Variants in LNX1 observed in about 807,000 individuals in gnomAD.
LNX1 encodes ligand of numb-protein X 1, also known as E3 ubiquitin-protein ligase LNX.
A neutral mutation model predicts 68.4 loss-of-function variants in LNX1; 54 were observed. The observed-to-expected ratio is 0.79, with a 90% CI of 0.63 to 0.99. The LOEUF is 0.99. Ranked by LOEUF, LNX1 falls within the 50% of genes least tolerant of loss-of-function variation. The pLI, the probability that LNX1 is intolerant of heterozygous loss-of-function variation, is 0.00. For missense variants in LNX1, 906 were observed against 926.4 expected (o/e 0.98, Z 0.29); for synonymous variants, 336 against 350.0 (o/e 0.96, Z 0.45).
Position 53,460,869 on chromosome 4 carries a change from T to C in LNX1, c.*38A>G. ...ATAGTGTTTCAACTTCTTAGCCTAT[T>C]TGTGATTTTTCTGTTTTCCTCTGAC... is the stretch of plus-strand genomic sequence containing the variant. On this transcript the variant is annotated 3_prime_UTR_variant, in exon 11 of 11. Transcript: ENST00000263925. 5 of 1,565,794 alleles carry C rather than the reference T, an allele frequency of 3.2e-6. No homozygotes were observed. The highest frequency in any genetic ancestry group is 4.4e-6 in the Non-Finnish European group (5 of 1,149,186).
At chr4:53,652,055 G>GAA (rs751872960) in intron 1 of LNX1, 12,414 of 136,798 alleles carry the variant, frequency 0.091, 593 homozygotes, top group Non-Finnish European at 0.12. Flanking sequence ...GAGAGAGAGA[G>GAA]AGAGAGACAG....
intron 2 of LNX1, among the ~76,000 whole-genome samples, chr4:53,606,371 A>G (rs1429571186): frequency 6.6e-6 from 1 of 152,174 alleles, no homozygotes; most frequent in Non-Finnish European, 1.5e-5. Flanking sequence ...CAACCTCCCA[A>G]GATTGAACCA....
intron 2 of LNX1, among the ~76,000 whole-genome samples, chr4:53,552,314 C>T (rs1364620365): frequency 6.6e-6 from 1 of 152,140 alleles, no homozygotes; most frequent in Admixed American, 6.5e-5. Context: ...AGACTTTGTA[C>T]CACAGGCAAG....
In LNX1 at chr4:53,461,051, AAAAAC is replaced by A. The variant is rs756247315; in HGVS notation, c.2052-14_2052-10del. Reference sequence around the variant, plus strand: ...GAAGAATATCACCACATCTAAAAAAAAAAACAAAACAAGATATGATTAGTATTTTA... The same window carrying A: ...GAAGAATATCACCACATCTAAAAAAAAAAACAAGATATGATTAGTATTTTA... On this transcript the variant is annotated splice_polypyrimidine_tract_variant and intron_variant, in intron 10 of 10. Transcript: ENST00000263925. 1.4e-5 allele frequency: 22 copies of A among 1,552,108 alleles called. No individual in the cohort carries two copies. The highest frequency in any genetic ancestry group is 9.8e-5 in the African/African-American group (7 of 71,172).
At chr4:53,610,389 G>C (rs1433537870) in intron 2 of LNX1, among the ~76,000 whole-genome samples, 1 of 152,102 alleles carries the variant, frequency 6.6e-6, no homozygotes, top group African/African-American at 2.4e-5. Flanking sequence ...CATACTCTAG[G>C]ATTCTGTGAA....
At chr4:53,561,068 C>A (rs1730254537) in intron 2 of LNX1, among the ~76,000 whole-genome samples, 7 of 152,102 alleles carry the variant, frequency 4.6e-5, no homozygotes, top group Non-Finnish European at 1.0e-4. Context: ...TTTCACTAAA[C>A]AAGGTTTATT....
intron 1 of LNX1, among the ~76,000 whole-genome samples, chr4:53,631,842 T>C (rs1253382610): frequency 6.6e-6 from 1 of 151,818 alleles, no homozygotes; most frequent in Non-Finnish European, 1.5e-5. Flanking sequence ...CAGAGTCTCT[T>C]TGGAGGTGGA....
At chr4:53,518,185 C>T (rs1477667883) in intron 2 of LNX1, among the ~76,000 whole-genome samples, 2 of 152,140 alleles carry the variant, frequency 1.3e-5, no homozygotes, top group African/African-American at 2.4e-5. Flanking sequence ...GATGTGCCTT[C>T]AAGGTAGAGT....
chr4:53,549,885 G>A (rs1305069057), intron 2 of LNX1, among the ~76,000 whole-genome samples: 2 of 152,072 alleles, frequency 1.3e-5, no homozygotes, highest in East Asian at 1.9e-4. Flanking sequence ...CCTCTTATCC[G>A]CCTGACATAG....
intron 1 of LNX1, among the ~76,000 whole-genome samples, chr4:53,585,307 A>G (rs1289398083): frequency 6.6e-6 from 1 of 152,202 alleles, no homozygotes; most frequent in Non-Finnish European, 1.5e-5. Context: ...GAAGGTAGTG[A>G]TGATGGCTGC....
intron 1 of LNX1, among the ~76,000 whole-genome samples, chr4:53,633,328 C>G (rs999269971): frequency 1.8e-4 from 27 of 152,186 alleles, no homozygotes; most frequent in Non-Finnish European, 3.1e-4. Flanking sequence ...TCTTTGGTCC[C>G]CCATGCACAA....
At chr4:53,611,497 GT>G (rs1317751697) in intron 2 of LNX1, among the ~76,000 whole-genome samples, 2 of 152,118 alleles carry the variant, frequency 1.3e-5, no homozygotes. Context: ...TGATCTTAAA[GT>G]TTCTAGAGAA....
upstream of LNX1, among the ~76,000 whole-genome samples, chr4:53,592,796 G>A (rs1388246152): frequency 1.3e-5 from 2 of 152,256 alleles, no homozygotes; most frequent in African/African-American, 2.4e-5. Context: ...AGGAAGTCCG[G>A]ATTCCCACAG....
At chr4:53,544,514 T>C (rs1254830748) in intron 2 of LNX1, among the ~76,000 whole-genome samples, 3 of 152,140 alleles carry the variant, frequency 2.0e-5, no homozygotes, top group Non-Finnish European at 2.9e-5. Flanking sequence ...TGATTTCTTT[T>C]GTGATGTTAA....
At chr4:53,551,977 T>C (rs1252154577) in intron 2 of LNX1, among the ~76,000 whole-genome samples, 2 of 152,210 alleles carry the variant, frequency 1.3e-5, no homozygotes, top group Admixed American at 6.5e-5. Context: ...AAAACTCCAG[T>C]GGGAATAAGC....
At chr4:53,519,121 A>G (rs1217551272) in intron 2 of LNX1, among the ~76,000 whole-genome samples, 1 of 152,156 alleles carries the variant, frequency 6.6e-6, no homozygotes, top group African/African-American at 2.4e-5. Context: ...TGGCTGTCTC[A>G]CTGCCCCTCT....
chr4:53,624,232 C>T (rs1486769496), intron 1 of LNX1, among the ~76,000 whole-genome samples: 4 of 152,148 alleles, frequency 2.6e-5, no homozygotes, highest in Admixed American at 1.3e-4. Flanking sequence ...TTGGCTGTGT[C>T]CCCACCCAAA....
chr4:53,557,625 G>A (rs575992295), intron 2 of LNX1, among the ~76,000 whole-genome samples: 9 of 151,268 alleles, frequency 5.9e-5, no homozygotes, highest in Non-Finnish European at 1.3e-4. Context: ...CAAAAAAGCA[G>A]CACTGACACT....
intron 9 of LNX1, among the ~76,000 whole-genome samples, chr4:53,463,042 G>T (rs1259578348): frequency 2.6e-5 from 4 of 152,080 alleles, no homozygotes; most frequent in Admixed American, 2.0e-4. Flanking sequence ...AGAATTAGAT[G>T]ATTGTTATCT....
Sources: gnomAD v4.1 joint callset for allele counts (sites outside exome capture counted in the v4.1 genomes callset) on GRCh38, gnomAD v4.1.1 for gene constraint, MANE v1.5 for transcripts, NCBI Gene and HGNC (gene_info 2026-07-23, HGNC 2026-07-21) for gene names.